ILKAP: variants seen among roughly 807,000 people sequenced by gnomAD.
ILKAP encodes ILK associated serine/threonine phosphatase.
ILKAP carries 11 observed loss-of-function variants against 49.1 expected under a neutral mutation model. That is an observed-to-expected ratio of 0.22 (90% CI 0.14 to 0.37). The LOEUF is 0.37. ILKAP is among the 10% of genes least tolerant of loss of function. The pLI is 1.00. For missense variants in ILKAP, 363 were observed against 510.8 expected (o/e 0.71, Z 2.79); for synonymous variants, 186 against 192.8 (o/e 0.96, Z 0.29).
chr2:238,193,203 A>C (rs951121542), intron 3 of ILKAP, among the ~76,000 whole-genome samples: 2 of 152,174 alleles, frequency 1.3e-5, no homozygotes, highest in Non-Finnish European at 2.9e-5. Flanking sequence ...ATCCCTTAAC[A>C]GCCTTCTTTG....
intron 1 of ILKAP, among the ~76,000 whole-genome samples, chr2:238,200,191 T>G (rs1005048306): frequency 7.3e-5 from 10 of 137,536 alleles, no homozygotes; most frequent in African/African-American, 2.8e-4. Flanking sequence ...CTGCCTGATA[T>G]GAACAAACAC....
chr2:238,173,404 T>C, intron 10 of ILKAP, 130 bp downstream of exon 10: 1 of 1,217,390 alleles, frequency 8.2e-7, no homozygotes, highest in Non-Finnish European at 1.1e-6. Context: ...ACATTTTGTT[T>C]ATCTCTGCAC....
chr2:238,176,387 C>T (rs200172360), intron 9 of ILKAP, among the ~76,000 whole-genome samples: 5 of 152,146 alleles, frequency 3.3e-5, no homozygotes, highest in Non-Finnish European at 5.9e-5. Context: ...CGCCTTGGCC[C>T]CCCAAAGTGC....
rs1176894728 is a variant in ILKAP at position 238,173,661 on chromosome 2, G to T, written c.837-8C>A. ...CCCAAAACACGCCCATCCCTAAAAT[G>T]AGAGGAAAAACATTTCAGACTCTAC... is the stretch of plus-strand genomic sequence containing the variant. On this transcript the variant is annotated splice_region_variant and splice_polypyrimidine_tract_variant and intron_variant, in intron 9 of 11. Coordinates refer to ENST00000254654, the MANE Select transcript of ILKAP (RefSeq NM_030768.3). 3 of 1,612,712 alleles carry T rather than the reference G, an allele frequency of 1.9e-6. No individual in the cohort carries two copies. The highest frequency in any genetic ancestry group is 1.1e-5 in the South Asian group (1 of 90,982).
chr2:238,182,726 AG>A (rs1489970631), intron 8 of ILKAP, among the ~76,000 whole-genome samples: 1 of 152,238 alleles, frequency 6.6e-6, no homozygotes, highest in Non-Finnish European at 1.5e-5. Context: ...GAGCAGAGCC[AG>A]GATTCAAATT....
At chr2:238,171,154 TTTTTTC>T (rs1206747002) in intron 10 of ILKAP, 130 bp from the exon 11 acceptor site, 5 of 593,838 alleles carry the variant, frequency 8.4e-6, no homozygotes, top group African/African-American at 1.9e-5. Context: ...TTTTTTTTTC[TTTTTTC>T]TTTTTTTTTT....
In ILKAP at chr2:238,182,040, G is replaced by T. The variant is rs1050923859; in HGVS notation, c.836+25C>A. 13 of 1,611,334 alleles carry T rather than the reference G, an allele frequency of 8.1e-6. No homozygotes were observed. The Admixed American group carries it at 2.2e-4, about 27-fold the overall frequency. Reference sequence around the variant, plus strand: ...TACAGCTAACAGCCCTCCTTCCCATGAGCTCCTCTCAGTCCCTTGGTTACC... The same window carrying T: ...TACAGCTAACAGCCCTCCTTCCCATTAGCTCCTCTCAGTCCCTTGGTTACC... On this transcript the variant is annotated intron_variant, in intron 9 of 11. Coordinates refer to ENST00000254654, the MANE Select transcript of ILKAP (RefSeq NM_030768.3).
intron 3 of ILKAP, among the ~76,000 whole-genome samples, chr2:238,191,441 G>T (rs1244381065): frequency 6.6e-6 from 1 of 152,184 alleles, no homozygotes; most frequent in Non-Finnish European, 1.5e-5. Flanking sequence ...TAAATTAGTT[G>T]CACAAGGCCC....
chr2:238,187,233 A>G (rs1306188839), intron 5 of ILKAP, among the ~76,000 whole-genome samples: 1 of 152,216 alleles, frequency 6.6e-6, no homozygotes, highest in African/African-American at 2.4e-5. Context: ...AGCCTGAGCA[A>G]GACAGCAAGA....
Position 238,203,518 on chromosome 2 carries a change from G to A in ILKAP, c.36C>T (p.Arg12=). 8.0e-7 allele frequency: 1 copy of A among 1,249,878 alleles called. No homozygotes were observed. The highest frequency in any genetic ancestry group is 1.0e-6 in the Non-Finnish European group (1 of 987,974). The allele number at this position is 1,249,878 out of a possible 1,614,324, so 77.4% of individuals were successfully genotyped here. A position where few individuals can be genotyped will look rare whatever the true frequency, so the allele number is the denominator to read the frequency against. The change falls in exon 1 of 12, where the codon CGC becomes CGT. Residue 12 remains arginine, a synonymous_variant. Transcript: ENST00000254654. Reference sequence around the variant, plus strand: ...GCTTACCGGCAGCCGGGCGCGGCGAGCGCTCGGGCTCCGGCAGGTCCCCGA... The same window carrying A: ...GCTTACCGGCAGCCGGGCGCGGCGAACGCTCGGGCTCCGGCAGGTCCCCGA... ...DLFGDLPEPE[R]SPRPAAGKEA... is the part of the protein sequence containing the mutation.
intron 10 of ILKAP, among the ~76,000 whole-genome samples, chr2:238,172,936 C>G (rs1413095912): frequency 5.3e-5 from 8 of 152,216 alleles, no homozygotes; most frequent in Admixed American, 4.6e-4. Context: ...CTTTAACCAT[C>G]ACCTGTTGAG....
chr2:238,194,197 C>A, intron 3 of ILKAP, 78 bp downstream of exon 3: 1 of 1,275,350 alleles, frequency 7.8e-7, no homozygotes, highest in East Asian at 2.3e-5. Flanking sequence ...CCCGTTAAAA[C>A]CTATACATAA....
intron 1 of ILKAP, among the ~76,000 whole-genome samples, chr2:238,203,268 C>G (rs1223017051): frequency 6.6e-6 from 1 of 150,924 alleles, no homozygotes; most frequent in African/African-American, 2.4e-5. Context: ...CCTTTCCTTC[C>G]TGCGTAGCGA....
rs1382518483 is a variant in ILKAP, at chr2:238,170,665, G to C, written c.1050C>G (p.Ile350Met). ...FILSCLEDEK[I>M]QTREGKSAAD... Reference sequence around the variant, plus strand: ...CTGCGGACTTCCCTTCCCGGGTCTGGATCTTTTCATCCTACCAGATGAGAA... The same window carrying C: ...CTGCGGACTTCCCTTCCCGGGTCTGCATCTTTTCATCCTACCAGATGAGAA... The change falls in exon 12 of 12, where the codon ATC becomes ATG. Residue 350 changes from isoleucine (I) to methionine (M), a missense_variant. Ile to Met is a conservative substitution (Grantham distance 10). Coordinates refer to ENST00000254654, the MANE Select transcript of ILKAP (RefSeq NM_030768.3). 2 of 1,596,482 alleles carry C rather than the reference G, an allele frequency of 1.3e-6. No individual in the cohort carries two copies. Among genetic ancestry groups the C allele is most frequent in the African/African-American group, 2.7e-5 (2 of 74,582 alleles).
chr2:238,182,003 T>G (rs1693714397), intron 9 of ILKAP, 62 bp downstream of exon 9: 1 of 1,593,438 alleles, frequency 6.3e-7, no homozygotes, highest in Non-Finnish European at 8.6e-7. Flanking sequence ...CTTGAAGGTC[T>G]CGGGACCCTT....
intron 5 of ILKAP, chr2:238,186,719 AAC>A (rs1470557902): frequency 3.9e-5 from 6 of 152,170 alleles, no homozygotes; most frequent in Admixed American, 1.3e-4. Context: ...AAAAAAAAAA[AAC>A]AAAAATGCCC....
chr2:238,203,473 G>A (rs961446592), intron 1 of ILKAP, 26 bp downstream of exon 1: 4 of 1,233,194 alleles, frequency 3.2e-6, no homozygotes, highest in South Asian at 2.0e-5. Context: ...CCCTTCCCTG[G>A]CCGGCCCGGC....
At chr2:238,173,809 A>G in intron 9 of ILKAP, 156 bp from the exon 10 acceptor site, 1 of 948,324 alleles carries the variant, frequency 1.1e-6, no homozygotes, top group Non-Finnish European at 1.5e-6. Context: ...GATCTCAAAT[A>G]TGCAGGGGTG....
At chr2:238,191,679 G>A (rs1230181491) in intron 3 of ILKAP, among the ~76,000 whole-genome samples, 1 of 151,568 alleles carries the variant, frequency 6.6e-6, no homozygotes, top group South Asian at 2.1e-4. Context: ...AGGCTGAGAT[G>A]GGCAGATCAT....
Sources: allele counts gnomAD v4.1 joint callset (sites outside exome capture counted in the v4.1 genomes callset), GRCh38; gene constraint gnomAD v4.1.1; transcripts MANE v1.5; gene names NCBI Gene and HGNC (gene_info 2026-07-23, HGNC 2026-07-21).